The following LPIN1 variants were observed in gnomAD, a reference collection of about 807,000 sequenced individuals.
LPIN1 encodes the protein lipin 1, also known as phosphatidate phosphatase LPIN1.
Under a neutral mutation model 107.5 loss-of-function variants are expected in LPIN1, and 71 were observed. The ratio of observed to expected loss-of-function variants is 0.66; its 90% confidence interval spans 0.55 to 0.80. The LOEUF is 0.80. LPIN1 is among the 30% of genes least tolerant of loss of function. LPIN1 has a pLI of 0.00. For synonymous variants in LPIN1, 445 were observed against 452.6 expected, an observed-to-expected ratio of 0.98 and a Z score of 0.21; for missense variants, 1,043 against 1,160.6, an observed-to-expected ratio of 0.90 and a Z score of 1.47.
chr2:11,754,504 C>G (rs542967754), intron 1 of LPIN1, among the ~76,000 whole-genome samples: 129 of 152,312 alleles, frequency 8.5e-4, no homozygotes, highest in Admixed American at 1.8e-3. Context: ...AGGTTTTGAA[C>G]AATGGCTTTT....
chr2:11,782,133 T>A, intron 7 of LPIN1, 68 bp from the exon 8 acceptor site: 1 of 1,215,328 alleles, frequency 8.2e-7, no homozygotes, highest in Non-Finnish European at 1.2e-6. Context: ...CTTGGGTCAC[T>A]CAGTTTTTCT....
Position 11,697,441 on chromosome 2 carries a change from T to A in LPIN1, c.82-16315T>A, listed in dbSNP as rs1662644648. On this transcript the variant is annotated intron_variant, in intron 1 of 21. Coordinates refer to the LPIN1 transcript ENST00000449576. This position sits in a 1 kb window ranked among gnomAD's most constrained non-coding sequence, Gnocchi z 4.6. ...GCCACTGTGGGGCTGCACCAGGAGC[T>A]GTGCTCGGCTCCTGCTTCTCCCTGG... Among the ~76,000 whole-genome samples, 1 of 152,218 alleles carries A rather than the reference T, an allele frequency of 6.6e-6. No individual in the cohort carries two copies. Among genetic ancestry groups the A allele is most frequent in the Non-Finnish European group, 1.5e-5 (1 of 68,040 alleles).
Position 11,765,338 on chromosome 2 carries a change from G to A in LPIN1, c.-9-195G>A, listed in dbSNP as rs578163463. On this transcript the variant is annotated intron_variant, in intron 1 of 20. Coordinates refer to ENST00000674199, the MANE Select transcript of LPIN1 (RefSeq NM_001349206.2). The surrounding 1 kb of genome is among the most constrained non-coding windows in gnomAD (Gnocchi z 4.4). ...TGATGGGCCATGATGGACACTGATG[G>A]GCCGTGATGGGCCCTGATGGGCCCT... 1.2e-4 allele frequency among the ~76,000 whole-genome samples: 18 copies of A among 152,294 alleles called. No individual in the cohort carries two copies. The highest frequency in any genetic ancestry group is 4.3e-4 in the African/African-American group (18 of 41,574).
chr2:11,679,232 C>A (rs2148496980), intron 1 of LPIN1, among the ~76,000 whole-genome samples: 1 of 152,288 alleles, frequency 6.6e-6, no homozygotes, highest in East Asian at 1.9e-4. Flanking sequence ...GAAGTTGGGA[C>A]TTTTGCACAG....
intron 17 of LPIN1, among the ~76,000 whole-genome samples, chr2:11,809,164 CTG>C (rs1289251414): frequency 6.8e-6 from 1 of 146,906 alleles, no homozygotes; most frequent in Non-Finnish European, 1.5e-5. Context: ...TCAAGAAGGA[CTG>C]TTGCCTAAAA....
Position 11,819,286 on chromosome 2 carries a change from T to C in LPIN1, c.2403-198T>C, listed in dbSNP as rs79766159. 3.6e-3 allele frequency: 2,042 copies of C among 574,734 alleles called. 39 individuals are homozygous for C. Among genetic ancestry groups the C allele is most frequent in the African/African-American group, 0.035 (1,870 of 53,380 alleles). 35.6% of individuals were successfully genotyped at this position (574,734 alleles called of 1,614,324 possible). A position where few individuals can be genotyped will look rare whatever the true frequency, so the allele number is the denominator to read the frequency against. ...GTGAAATGGCTCATCCTTGGTGTTT[T>C]CTTTTGTAGAAAGACTTGAAAGTAC... is the stretch of plus-strand genomic sequence containing the variant. On this transcript the variant is annotated intron_variant, in intron 18 of 20. Transcript: ENST00000674199.
At chr2:11,692,255 T>G (rs1662308414) in intron 1 of LPIN1, among the ~76,000 whole-genome samples, 1 of 152,266 alleles carries the variant, frequency 6.6e-6, no homozygotes. Flanking sequence ...AAAATGCCAC[T>G]AGAAAGTTTG....
In LPIN1 at chr2:11,819,390, T is replaced by C; in HGVS notation, c.2403-94T>C. 6 of 847,802 alleles carry C rather than the reference T, an allele frequency of 7.1e-6. No homozygotes were observed. The South Asian group carries it at 8.2e-5, about 12-fold the overall frequency. The allele number at this position is 847,802 out of a possible 1,614,324, so 52.5% of individuals were successfully genotyped here. On this transcript the variant is annotated intron_variant, in intron 18 of 20. Coordinates refer to ENST00000674199, the MANE Select transcript of LPIN1 (RefSeq NM_001349206.2). ...ACTAAACTTTTGAAGATTTGAGTTTTCTCAGTGTTGCGGCAGCTTTGTCAG... is the reference window on the plus strand; with the variant it reads ...ACTAAACTTTTGAAGATTTGAGTTTCCTCAGTGTTGCGGCAGCTTTGTCAG...
chr2:11,818,899 A>G (rs1681048388), intron 18 of LPIN1: 1 of 152,146 alleles, frequency 6.6e-6, no homozygotes, highest in African/African-American at 2.4e-5. Flanking sequence ...ACTGGTATCA[A>G]ATACCCTTTT....
intron 1 of LPIN1, among the ~76,000 whole-genome samples, chr2:11,732,170 T>A (rs926236744): frequency 2.0e-5 from 3 of 152,262 alleles, no homozygotes; most frequent in Non-Finnish European, 4.4e-5. Context: ...TTGCAATATG[T>A]GCAACAACTT....
intron 1 of LPIN1, among the ~76,000 whole-genome samples, chr2:11,703,474 A>G (rs547466875): frequency 1.3e-5 from 2 of 152,310 alleles, no homozygotes; most frequent in East Asian, 1.9e-4. Flanking sequence ...ATACATGTGC[A>G]TACATCTCTG....
chr2:11,824,993 A>C lies in LPIN1; in HGVS notation c.*202A>C. 1.6e-6 allele frequency: 1 copy of C among 619,496 alleles called. No homozygotes were observed. Among genetic ancestry groups the C allele is most frequent in the Non-Finnish European group, 2.8e-6 (1 of 353,640 alleles). 38.4% of individuals were successfully genotyped at this position (619,496 alleles called of 1,614,324 possible). ...GCAAGATAGGAAGGGAGCACTTTCT[A>C]GGCTAGGAGTTGGGTGCATTTGTAC... On this transcript the variant is annotated 3_prime_UTR_variant, in exon 21 of 21. Transcript: ENST00000674199.
chr2:11,741,609 T>C (rs1004942491), upstream of LPIN1, among the ~76,000 whole-genome samples: 1 of 151,718 alleles, frequency 6.6e-6, no homozygotes, highest in Non-Finnish European at 1.5e-5. Flanking sequence ...TATAAAAAAA[T>C]ACACATCCTG....
At chr2:11,691,717 C>G (rs1234566163) in intron 1 of LPIN1, among the ~76,000 whole-genome samples, 2 of 152,220 alleles carry the variant, frequency 1.3e-5, no homozygotes, top group Non-Finnish European at 2.9e-5. Context: ...CACAAGCATG[C>G]TTTCTCTCCC....
intron 1 of LPIN1, among the ~76,000 whole-genome samples, chr2:11,759,871 C>G (rs2148602294): frequency 7.2e-6 from 1 of 139,638 alleles, no homozygotes; most frequent in African/African-American, 2.6e-5. Flanking sequence ...TGCCCCCCAC[C>G]TCCCTCCCGG....
chr2:11,804,706 C>A (rs1039076318), intron 16 of LPIN1, 135 bp downstream of exon 16: 15 of 906,858 alleles, frequency 1.7e-5, no homozygotes, highest in Admixed American at 9.5e-5. Context: ...GAGCTCCTTA[C>A]GTAGTTTCAG....
chr2:11,788,471 G>A lies in LPIN1; in HGVS notation c.1713+15G>A, dbSNP rs1326241152. On this transcript the variant is annotated intron_variant, in intron 12 of 20. Transcript: ENST00000674199. ...CTTTGCCAAAGGTGAGCTTTAACAT[G>A]AGAAAGAAAAGGGGATGCTAGAAAT... The A allele has an allele frequency of 1.2e-6, 2 of 1,603,780 alleles. No individual in the cohort carries two copies. The highest frequency in any genetic ancestry group is 8.5e-7 in the Non-Finnish European group (1 of 1,170,598).
intron 14 of LPIN1, 79 bp from the exon 15 acceptor site, chr2:11,802,828 A>G: frequency 1.3e-6 from 2 of 1,542,224 alleles, no homozygotes; most frequent in South Asian, 2.2e-5. Context: ...TGACTTAGTC[A>G]TTGATTAAAG....
rs115217475 is a variant in LPIN1, at chr2:11,707,184, C to T, written c.82-6572C>T. On this transcript the variant is annotated intron_variant, in intron 1 of 21. Transcript: ENST00000449576. The surrounding 1 kb of genome is among the most constrained non-coding windows in gnomAD (Gnocchi z 4.2). ...CAGAAAACAAAGAATAATGATCTAACGTCAGATACTGATAAAGTGCTAAGA... is the reference window on the plus strand; with the variant it reads ...CAGAAAACAAAGAATAATGATCTAATGTCAGATACTGATAAAGTGCTAAGA... Among the ~76,000 whole-genome samples the T allele has an allele frequency of 0.015, 2,226 of 152,218 alleles. 23 individuals carry two copies. The highest frequency in any genetic ancestry group is 0.024 in the Middle Eastern group (7 of 294).
Sources: gnomAD v4.1 joint callset for allele counts (sites outside exome capture counted in the v4.1 genomes callset) on GRCh38, gnomAD v4.1.1 for gene constraint, Gnocchi (gnomAD v3.1) non-coding constraint, MANE v1.5 for transcripts, NCBI Gene and HGNC (gene_info 2026-07-23, HGNC 2026-07-21) for gene names.